The following SEM1 variants were observed in gnomAD, a reference collection of about 807,000 sequenced individuals.
SEM1 encodes the protein 26S proteasome complex subunit SEM1.
SEM1 carries 3 observed loss-of-function variants against 12.7 expected under a neutral mutation model. The observed-to-expected ratio is 0.24, with a 90% CI of 0.11 to 0.61. SEM1 has a LOEUF of 0.61. SEM1 is among the 20% of genes least tolerant of loss of function. The pLI is 0.88. For missense variants in SEM1, 59 were observed against 81.3 expected (o/e 0.73, Z 1.06); for synonymous variants, 30 against 27.8 (o/e 1.08, Z -0.25).
intron 2 of SEM1, among the ~76,000 whole-genome samples, chr7:96,529,231 A>T (rs1409656235): frequency 6.6e-6 from 1 of 152,146 alleles, no homozygotes; most frequent in African/African-American, 2.4e-5. Context: ...CAAAAGAAAA[A>T]AGAAAGGATA....
rs535193492 is a variant in SEM1 at position 96,487,574 on chromosome 7, C to T, written c.13-1157G>A. Among the ~76,000 whole-genome samples, 9 of 150,174 alleles carry T rather than the reference C, an allele frequency of 6.0e-5. 1 individual carries two copies. Among genetic ancestry groups the T allele is most frequent in the African/African-American group, 2.3e-4 (9 of 39,534 alleles). ...GAGGCTTTAACTCATTTGAGCCTTA[C>T]GACTATTCTCTAAGGTGGACATGGC... On this transcript the variant is annotated intron_variant, in intron 1 of 3. Transcript: ENST00000356686.
intron 2 of SEM1, among the ~76,000 whole-genome samples, chr7:96,582,545 T>C (rs1483676567): frequency 1.3e-5 from 2 of 150,996 alleles, no homozygotes; most frequent in Non-Finnish European, 2.9e-5. Context: ...TCAGAAGGAA[T>C]GGTACCAGTT....
At chr7:96,605,818 A>G (rs769548756) in intron 2 of SEM1, among the ~76,000 whole-genome samples, 1 of 152,226 alleles carries the variant, frequency 6.6e-6, no homozygotes, top group Non-Finnish European at 1.5e-5. Flanking sequence ...ATAGAAAATT[A>G]TAGAAATACA....
At chr7:96,656,590 T>TAAAAAAAAAA (rs35411446) in intron 2 of SEM1, 1 of 136,848 alleles carries the variant, frequency 7.3e-6, no homozygotes, top group African/African-American at 2.7e-5. Flanking sequence ...TAGGACCTAG[T>TAAAAAAAAAA]AAAAAAAAAA....
chr7:96,555,354 T>C (rs1805448705), intron 2 of SEM1, among the ~76,000 whole-genome samples: 4 of 151,734 alleles, frequency 2.6e-5, no homozygotes, highest in Middle Eastern at 3.4e-3. Flanking sequence ...CTCTACACAC[T>C]GTTTGAATGT....
At chr7:96,630,788 C>T (rs1201180061) in intron 2 of SEM1, among the ~76,000 whole-genome samples, 1 of 151,086 alleles carries the variant, frequency 6.6e-6, no homozygotes, top group East Asian at 1.9e-4. Context: ...AAGGCCCTTG[C>T]CATGATACCT....
intron 2 of SEM1, among the ~76,000 whole-genome samples, chr7:96,525,142 C>A (rs2115669257): frequency 6.6e-6 from 1 of 152,234 alleles, no homozygotes; most frequent in African/African-American, 2.4e-5. Context: ...TCTTCCTTAA[C>A]CACTCTCATC....
At chr7:96,587,106 A>G (rs907795448) in intron 2 of SEM1, among the ~76,000 whole-genome samples, 1 of 152,246 alleles carries the variant, frequency 6.6e-6, no homozygotes, top group Non-Finnish European at 1.5e-5. Context: ...TCATAGTCAA[A>G]TAAGTGTGAG....
At chr7:96,669,437 A>C (rs1221048698), downstream of SEM1, among the ~76,000 whole-genome samples, 1 of 152,236 alleles carries the variant, frequency 6.6e-6, no homozygotes, top group Non-Finnish European at 1.5e-5. Context: ...TGAATTTCAT[A>C]TAATTTTCCT....
intron 2 of SEM1, among the ~76,000 whole-genome samples, chr7:96,545,035 A>G (rs965697753): frequency 1.3e-5 from 2 of 151,978 alleles, no homozygotes; most frequent in African/African-American, 4.8e-5. Flanking sequence ...ACTCGTAACC[A>G]CTTCTTCATA....
At chr7:96,672,276 A>T (rs939921107), downstream of SEM1, among the ~76,000 whole-genome samples, 3 of 152,316 alleles carry the variant, frequency 2.0e-5, no homozygotes, top group Middle Eastern at 3.4e-3. Context: ...ACTGCTGGCC[A>T]CTGAGCTGTA....
chr7:96,631,938 C>T (rs926470125), intron 2 of SEM1, among the ~76,000 whole-genome samples: 8 of 152,110 alleles, frequency 5.3e-5, no homozygotes, highest in Non-Finnish European at 8.8e-5. Flanking sequence ...ATACAGCCAA[C>T]GGACATATGA....
intron 2 of SEM1, among the ~76,000 whole-genome samples, chr7:96,665,503 T>C (rs1020229229): frequency 2.0e-5 from 3 of 152,212 alleles, no homozygotes; most frequent in African/African-American, 7.2e-5. Context: ...GAAAAGTTAG[T>C]TCTCTATTTA....
chr7:96,575,308 CAA>C (rs1468648095), intron 2 of SEM1, among the ~76,000 whole-genome samples: 1 of 152,214 alleles, frequency 6.6e-6, no homozygotes, highest in African/African-American at 2.4e-5. Flanking sequence ...TGCAGAACAG[CAA>C]AGATTGCTCC....
chr7:96,683,757 A>G (rs573984584), intron 2 of SEM1, among the ~76,000 whole-genome samples: 9 of 152,298 alleles, frequency 5.9e-5, no homozygotes, highest in African/African-American at 2.2e-4. Context: ...GGAAACCATC[A>G]TTCTCAGCAA....
chr7:96,568,811 A>G (rs1805931018), intron 2 of SEM1, among the ~76,000 whole-genome samples: 1 of 151,826 alleles, frequency 6.6e-6, no homozygotes, highest in Admixed American at 6.6e-5. Context: ...TTGTGTTTTG[A>G]AGTGCATTAC....
chr7:96,687,572 G>T (rs1789799284), downstream of SEM1, among the ~76,000 whole-genome samples: 1 of 150,662 alleles, frequency 6.6e-6, no homozygotes, highest in Non-Finnish European at 1.5e-5. Flanking sequence ...TCATAGATGG[G>T]AATTGAACAA....
At chr7:96,542,938 T>TGTAGGATTTG (rs1804999939) in intron 2 of SEM1, among the ~76,000 whole-genome samples, 7 of 151,956 alleles carry the variant, frequency 4.6e-5, no homozygotes, top group African/African-American at 1.7e-4. Context: ...AATGTAAATT[T>TGTAGGATTTG]TCAAGAATAT....
intron 2 of SEM1, among the ~76,000 whole-genome samples, chr7:96,643,022 T>C (rs571732737): frequency 1.2e-3 from 184 of 151,940 alleles, no homozygotes; most frequent in Middle Eastern, 0.01. Flanking sequence ...GTCATAGGGG[T>C]TTATTGTCCA....
Sources: allele counts gnomAD v4.1 joint callset (sites outside exome capture counted in the v4.1 genomes callset), GRCh38; gene constraint gnomAD v4.1.1; transcripts MANE v1.5; gene names NCBI Gene and HGNC (gene_info 2026-07-23, HGNC 2026-07-21).